The following ARL6IP5 variants were observed in gnomAD, a reference collection of about 807,000 sequenced individuals.
ARL6IP5 encodes PRA1 family protein 3.
A neutral mutation model predicts 13.0 loss-of-function variants in ARL6IP5; 6 were observed. That is an observed-to-expected ratio of 0.46 (90% CI 0.25 to 0.91). The LOEUF (loss-of-function observed/expected upper bound fraction) is 0.91. Among genes scored for constraint, ARL6IP5 ranks in the 40% least tolerant of loss-of-function variants. ARL6IP5 has a pLI of 0.17. For missense variants in ARL6IP5, 208 were observed against 248.8 expected, an observed-to-expected ratio of 0.84 and a Z score of 1.10; for synonymous variants, 91 against 91.9, an observed-to-expected ratio of 0.99 and a Z score of 0.06.
chr3:69,096,994 C>A lies in ARL6IP5; in HGVS notation c.177-4845C>A, dbSNP rs369565281. On this transcript the variant is annotated intron_variant, in intron 1 of 2. Coordinates refer to ENST00000273258, the MANE Select transcript of ARL6IP5 (RefSeq NM_006407.4). ...TAAAGGGTTTTTTACATTCAGGAGC[C>A]TTTCCCCAATTTCATTTGTTCATTT... Among the ~76,000 whole-genome samples, 9 of 152,126 alleles carry A rather than the reference C, an allele frequency of 5.9e-5. No individual in the cohort carries two copies. In the South Asian group the frequency reaches 1.9e-3, roughly 32 times the overall value.
At chr3:69,102,130 C>A in intron 2 of ARL6IP5, 74 bp downstream of exon 2, 1 of 1,497,938 alleles carries the variant, frequency 6.7e-7, no homozygotes, top group Non-Finnish European at 9.3e-7. Context: ...ATTCCATAAC[C>A]CATTTCTTAT....
chr3:69,090,586 T>A (rs917562387), intron 1 of ARL6IP5, among the ~76,000 whole-genome samples: 1 of 152,214 alleles, frequency 6.6e-6, no homozygotes, highest in Non-Finnish European at 1.5e-5. Context: ...GTGTTGGGAA[T>A]AGGGGAGGCA....
chr3:69,089,714 CA>C (rs2092259153), intron 1 of ARL6IP5: 3 of 438,266 alleles, frequency 6.8e-6, no homozygotes, highest in Non-Finnish European at 1.4e-5. Context: ...TCACCAACCA[CA>C]CACAGAATTT....
At chr3:69,099,320 G>T (rs58747812) in intron 1 of ARL6IP5, among the ~76,000 whole-genome samples, 1 of 152,012 alleles carries the variant, frequency 6.6e-6, no homozygotes, top group African/African-American at 2.4e-5. Context: ...GCAGTGAGCC[G>T]AGATCGCGCC....
rs1353439085 is a variant in ARL6IP5, at chr3:69,098,079, ATTTC to A, written c.177-3756_177-3753del. On this transcript the variant is annotated intron_variant, in intron 1 of 2. Transcript: ENST00000273258. ...TAATATACTAATTATAGAAATTTCT[ATTTC>A]TTTTTTTTTTGGAAACAGAGTCTCA... 1.3e-4 allele frequency among the ~76,000 whole-genome samples: 20 copies of A among 149,604 alleles called. No homozygotes were observed. The East Asian group carries it at 3.5e-3, about 26-fold the overall frequency.
intron 1 of ARL6IP5, among the ~76,000 whole-genome samples, chr3:69,093,090 T>C (rs187031829): frequency 6.6e-6 from 1 of 152,318 alleles, no homozygotes; most frequent in African/African-American, 2.4e-5. Context: ...GCTCCGTCAC[T>C]GTGGGAAGCG....
chr3:69,090,996 A>C (rs1368823011), intron 1 of ARL6IP5, among the ~76,000 whole-genome samples: 5 of 152,154 alleles, frequency 3.3e-5, no homozygotes, highest in Non-Finnish European at 2.9e-5. Context: ...CAGGAGTTTA[A>C]GACCAGCCCG....
intron 1 of ARL6IP5, among the ~76,000 whole-genome samples, chr3:69,100,895 TC>T (rs2092303241): frequency 2.0e-5 from 3 of 152,272 alleles, no homozygotes; most frequent in East Asian, 3.9e-4. Context: ...GACTGTTTAT[TC>T]TGTCTGAATG....
At chr3:69,090,199 AT>A (rs1402396845) in intron 1 of ARL6IP5, among the ~76,000 whole-genome samples, 1 of 152,238 alleles carries the variant, frequency 6.6e-6, no homozygotes, top group Non-Finnish European at 1.5e-5. Flanking sequence ...CTGGATCAGA[AT>A]CTATTGAAAT....
intron 1 of ARL6IP5, among the ~76,000 whole-genome samples, chr3:69,092,749 G>T (rs1298508617): frequency 6.6e-6 from 1 of 151,662 alleles, no homozygotes; most frequent in Non-Finnish European, 1.5e-5. Context: ...CGAACTCCTA[G>T]CCTCAAGTTA....
intron 1 of ARL6IP5, among the ~76,000 whole-genome samples, chr3:69,091,176 G>A (rs1035927408): frequency 6.6e-6 from 1 of 151,990 alleles, no homozygotes; most frequent in Non-Finnish European, 1.5e-5. Context: ...CTACAGCCTG[G>A]GTAACAGAGT....
At chr3:69,094,843 G>A (rs1575860760) in intron 1 of ARL6IP5, among the ~76,000 whole-genome samples, 1 of 152,036 alleles carries the variant, frequency 6.6e-6, no homozygotes, top group East Asian at 1.9e-4. Context: ...TGTAAAATGA[G>A]GTGGGTTAGC....
At chr3:69,099,664 G>A (rs1434934768) in intron 1 of ARL6IP5, among the ~76,000 whole-genome samples, 1 of 152,152 alleles carries the variant, frequency 6.6e-6, no homozygotes, top group Non-Finnish European at 1.5e-5. Context: ...TTCCATTTCA[G>A]AGAAAGTAAG....
At chr3:69,102,591 G>A (rs2092309388) in intron 2 of ARL6IP5, among the ~76,000 whole-genome samples, 1 of 152,180 alleles carries the variant, frequency 6.6e-6, no homozygotes, top group Admixed American at 6.5e-5. Context: ...GGACACAACA[G>A]TAAACAGAAC....
At chr3:69,093,731 C>T (rs9837295) in intron 1 of ARL6IP5, among the ~76,000 whole-genome samples, 89,705 of 148,658 alleles carry the variant, frequency 0.6, 27,188 homozygotes, top group Non-Finnish European at 0.65. Context: ...CACTGCACTT[C>T]AGCCTGCCGA....
In ARL6IP5 at chr3:69,104,675, G is replaced by T; in HGVS notation, c.*39G>T. 2 of 1,602,704 alleles carry T rather than the reference G, an allele frequency of 1.2e-6. No individual in the cohort carries two copies. Among genetic ancestry groups the T allele is most frequent in the Non-Finnish European group, 1.7e-6 (2 of 1,172,868 alleles). On this transcript the variant is annotated 3_prime_UTR_variant, in exon 3 of 3. Coordinates refer to ENST00000273258, the MANE Select transcript of ARL6IP5 (RefSeq NM_006407.4). ...GAGCTAGGGTTGCAGCAGAAATTGA[G>T]TTGCAGCTTGCCCTTGTCCAGACCT...
In ARL6IP5 at chr3:69,105,337, A is replaced by G. The variant is rs1322334279; in HGVS notation, c.*701A>G. The G allele has an allele frequency of 6.4e-6, 1 of 155,768 alleles. No individual in the cohort carries two copies. 9.6% of individuals were successfully genotyped at this position (155,768 alleles called of 1,614,324 possible). A position where few individuals can be genotyped will look rare whatever the true frequency, so the allele number is the denominator to read the frequency against. Reference sequence around the variant, plus strand: ...AGATGGTTACAGCTATGTAACCTGTATTATTCTGGACGGACTTATTAAAAT... The same window carrying G: ...AGATGGTTACAGCTATGTAACCTGTGTTATTCTGGACGGACTTATTAAAAT... On this transcript the variant is annotated 3_prime_UTR_variant, in exon 3 of 3. Coordinates refer to ENST00000273258, the MANE Select transcript of ARL6IP5 (RefSeq NM_006407.4).
chr3:69,086,210 G>T (rs537241224), intron 1 of ARL6IP5, among the ~76,000 whole-genome samples: 5 of 152,336 alleles, frequency 3.3e-5, no homozygotes, highest in African/African-American at 1.2e-4. Flanking sequence ...CACTTGAAGG[G>T]TGTGGGAAAG....
At chr3:69,102,217 A>C (rs1441406390) in intron 2 of ARL6IP5, 161 bp downstream of exon 2, 2 of 710,930 alleles carry the variant, frequency 2.8e-6, no homozygotes, top group Non-Finnish European at 4.7e-6. Context: ...GACCCAGATA[A>C]CACAGAACTG....
Sources: gnomAD v4.1 joint callset for allele counts (sites outside exome capture counted in the v4.1 genomes callset) on GRCh38, gnomAD v4.1.1 for gene constraint, MANE v1.5 for transcripts, NCBI Gene and HGNC (gene_info 2026-07-23, HGNC 2026-07-21) for gene names.